Variants in UBE2D1 observed in about 807,000 individuals in gnomAD.
UBE2D1 encodes ubiquitin conjugating enzyme E2 D1, also known as ubiquitin-conjugating enzyme E2 D1.
UBE2D1 carries 9 observed loss-of-function variants against 24.6 expected under a neutral mutation model. That is an observed-to-expected ratio of 0.37 (90% CI 0.22 to 0.64). The LOEUF (loss-of-function observed/expected upper bound fraction) is 0.64. Ranked by LOEUF, UBE2D1 falls within the 30% of genes least tolerant of loss-of-function variation. The probability of loss-of-function intolerance (pLI) is 0.64; values close to 1 mark genes in which losing one functional copy is unlikely to be tolerated. For missense variants in UBE2D1, 87 were observed against 177.1 expected (o/e 0.49, Z 2.89); for synonymous variants, 57 against 57.6 (o/e 0.99, Z 0.04).
At chr10:58,358,293 T>C (rs1190087642) in intron 1 of UBE2D1, among the ~76,000 whole-genome samples, 3 of 152,138 alleles carry the variant, frequency 2.0e-5, no homozygotes, top group African/African-American at 7.2e-5. Context: ...CTAGTTAAAA[T>C]GAGGGCAAAG....
At chr10:58,338,232 G>T (rs370108011) in intron 1 of UBE2D1, among the ~76,000 whole-genome samples, 3 of 152,246 alleles carry the variant, frequency 2.0e-5, no homozygotes, top group South Asian at 4.1e-4. Flanking sequence ...GAATAAAGAT[G>T]ATTGGATTAA....
At chr10:58,362,080 T>C (rs1262519075) in intron 3 of UBE2D1, among the ~76,000 whole-genome samples, 1 of 152,220 alleles carries the variant, frequency 6.6e-6, no homozygotes, top group Non-Finnish European at 1.5e-5. Flanking sequence ...GATAATTGGC[T>C]ACTCTCAATA....
Position 58,370,688 on chromosome 10 carries a change from G to A in UBE2D1, c.*1923G>A, listed in dbSNP as rs1382964345. On this transcript the variant is annotated 3_prime_UTR_variant, in exon 7 of 7. Coordinates refer to ENST00000373910, the MANE Select transcript of UBE2D1 (RefSeq NM_003338.5). ...CAAAAAAAAAAAACAACTTTCATTT[G>A]TGTGGCATTTATTTTTGGAAGTGTC... 5 of 149,640 alleles carry A rather than the reference G, an allele frequency of 3.3e-5. No individual in the cohort carries two copies. In the South Asian group the frequency reaches 8.4e-4, roughly 25 times the overall value. 9.3% of individuals were successfully genotyped at this position (149,640 alleles called of 1,614,324 possible). A position where few individuals can be genotyped will look rare whatever the true frequency, so the allele number is the denominator to read the frequency against.
rs115622985 is a variant in UBE2D1 at position 58,368,554 on chromosome 10, C to G, written c.399-166C>G. ...ATCCATGAGTTAAAAAATTATTTTT[C>G]CTGTTTTATTTCTGCATGAACCTAA... On this transcript the variant is annotated intron_variant, in intron 6 of 6. Coordinates refer to ENST00000373910, the MANE Select transcript of UBE2D1 (RefSeq NM_003338.5). 2,756 of 390,568 alleles carry G rather than the reference C, an allele frequency of 7.1e-3. 64 individuals carry two copies. Among genetic ancestry groups the G allele is most frequent in the African/African-American group, 0.051 (2,472 of 48,210 alleles). 24.2% of individuals were successfully genotyped at this position (390,568 alleles called of 1,614,324 possible). A position where few individuals can be genotyped will look rare whatever the true frequency, so the allele number is the denominator to read the frequency against.
intron 4 of UBE2D1, 103 bp downstream of exon 4, chr10:58,363,789 G>T: frequency 1.3e-6 from 1 of 764,870 alleles, no homozygotes; most frequent in African/African-American, 1.8e-5. Flanking sequence ...GTCAAAGACT[G>T]TGGGGAGGTT....
intron 1 of UBE2D1, among the ~76,000 whole-genome samples, chr10:58,344,711 G>A (rs1839997443): frequency 6.6e-6 from 1 of 152,060 alleles, no homozygotes; most frequent in Non-Finnish European, 1.5e-5. Context: ...CAAATAAAAT[G>A]TATTTCTATT....
At chr10:58,339,188 C>T (rs1839935348) in intron 1 of UBE2D1, among the ~76,000 whole-genome samples, 1 of 152,116 alleles carries the variant, frequency 6.6e-6, no homozygotes, top group Non-Finnish European at 1.5e-5. Flanking sequence ...TTTCTGTGAC[C>T]TCTGCCTCTG....
rs780583891 is a variant in UBE2D1 at position 58,365,973 on chromosome 10, G to T, written c.304+1097G>T. Among the ~76,000 whole-genome samples the T allele has an allele frequency of 3.9e-5, 6 of 152,150 alleles. No individual in the cohort carries two copies. The South Asian group carries it at 6.2e-4, about 16-fold the overall frequency. ...TAGCTCTTTCAGTTCAATTATTTAT[G>T]AACGATAGTTTTTCTGACCTAAGAT... On this transcript the variant is annotated intron_variant, in intron 5 of 6. Coordinates refer to ENST00000373910, the MANE Select transcript of UBE2D1 (RefSeq NM_003338.5).
Position 58,363,692 on chromosome 10 carries a change from T to A in UBE2D1, c.198+6T>A. ...ATCCTTTTAAACCACCAAAGGTATT[T>A]TTATTTTTATGATTGATGTGACTCC... On this transcript the variant is annotated splice_donor_region_variant and intron_variant, in intron 4 of 6. Coordinates refer to ENST00000373910, the MANE Select transcript of UBE2D1 (RefSeq NM_003338.5). 2 of 1,594,866 alleles carry A rather than the reference T, an allele frequency of 1.3e-6. No homozygotes were observed. The highest frequency in any genetic ancestry group is 8.6e-7 in the Non-Finnish European group (1 of 1,166,600).
intron 1 of UBE2D1, among the ~76,000 whole-genome samples, chr10:58,341,773 A>C (rs1190975338): frequency 2.0e-5 from 3 of 152,156 alleles, no homozygotes; most frequent in Non-Finnish European, 4.4e-5. Flanking sequence ...TGATAAACCT[A>C]ATATTTAGCC....
In UBE2D1 at chr10:58,369,627, ATAAG is replaced by A. The variant is rs1298246260; in HGVS notation, c.*867_*870del. 2 of 152,550 alleles carry A rather than the reference ATAAG, an allele frequency of 1.3e-5. No homozygotes were observed. Among genetic ancestry groups the A allele is most frequent in the African/African-American group, 2.4e-5 (1 of 41,580 alleles). The allele number at this position is 152,550 out of a possible 1,614,324, so 9.4% of individuals were successfully genotyped here. A position where few individuals can be genotyped will look rare whatever the true frequency, so the allele number is the denominator to read the frequency against. Reference sequence around the variant, plus strand: ...CTTGATTACTTAAAAAAATAAAAATATAAGTAAGGATCAAAACTCTAAAATTTTG... The same window carrying A: ...CTTGATTACTTAAAAAAATAAAAATATAAGGATCAAAACTCTAAAATTTTG... On this transcript the variant is annotated 3_prime_UTR_variant, in exon 7 of 7. Transcript: ENST00000373910.
Position 58,370,014 on chromosome 10 carries a change from A to T in UBE2D1, c.*1249A>T, listed in dbSNP as rs1840297746. 6.6e-6 allele frequency: 1 copy of T among 151,890 alleles called. No homozygotes were observed. The highest frequency in any genetic ancestry group is 2.1e-4 in the South Asian group (1 of 4,830). The allele number at this position is 151,890 out of a possible 1,614,324, so 9.4% of individuals were successfully genotyped here. ...TAACATTTTAAAATCTAGAATTTCT[A>T]AAATGGAATTTAATGCCATCACAAT... On this transcript the variant is annotated 3_prime_UTR_variant, in exon 7 of 7. Transcript: ENST00000373910.
At chr10:58,338,127 G>A (rs1839922961) in intron 1 of UBE2D1, among the ~76,000 whole-genome samples, 1 of 152,118 alleles carries the variant, frequency 6.6e-6, no homozygotes, top group African/African-American at 2.4e-5. Flanking sequence ...GATTATAGGT[G>A]TGAGCCACCA....
At chr10:58,365,082 GATGAA>G (rs1399357908) in intron 5 of UBE2D1, among the ~76,000 whole-genome samples, 2 of 152,166 alleles carry the variant, frequency 1.3e-5, no homozygotes, top group Admixed American at 6.5e-5. Flanking sequence ...AAATCTAAAT[GATGAA>G]ATGAGAAAAA....
intron 1 of UBE2D1, among the ~76,000 whole-genome samples, chr10:58,345,902 A>T (rs570119848): frequency 6.6e-6 from 1 of 152,212 alleles, no homozygotes; most frequent in Non-Finnish European, 1.5e-5. Context: ...ACAGTAGACC[A>T]TAAAGCTTCA....
At chr10:58,358,005 AAAT>A (rs199738140) in intron 1 of UBE2D1, among the ~76,000 whole-genome samples, 19 of 152,042 alleles carry the variant, frequency 1.2e-4, no homozygotes, top group Admixed American at 1.2e-3. Context: ...AGTGCATCAA[AAAT>A]AATAATAATA....
intron 1 of UBE2D1, among the ~76,000 whole-genome samples, chr10:58,350,932 G>A (rs893472661): frequency 4.6e-5 from 7 of 152,130 alleles, no homozygotes; most frequent in Admixed American, 6.6e-5. Flanking sequence ...GCATGTTACC[G>A]TGCTGATACT....
intron 1 of UBE2D1, among the ~76,000 whole-genome samples, chr10:58,339,494 G>C (rs1428331096): frequency 6.6e-6 from 1 of 152,078 alleles, no homozygotes. Context: ...CCATACAATG[G>C]ATATGTATGG....
In UBE2D1 at chr10:58,367,948, T is replaced by G; in HGVS notation, c.330T>G (p.Leu110=). The change falls in exon 6 of 7, where the codon CTT becomes CTG. Residue 110 remains leucine (L), a synonymous_variant. Coordinates refer to ENST00000373910, the MANE Select transcript of UBE2D1 (RefSeq NM_003338.5). ...TTTTATTGTCCATATGTTCTCTACTTTGTGATCCTAATCCAGATGACCCCT... is the reference window on the plus strand; with the variant it reads ...TTTTATTGTCCATATGTTCTCTACTGTGTGATCCTAATCCAGATGACCCCT... ...SKVLLSICSL[L]CDPNPDDPLV... is the part of the protein sequence containing the mutation. The G allele has an allele frequency of 6.2e-7, 1 of 1,610,534 alleles. No homozygotes were observed. The highest frequency in any genetic ancestry group is 1.7e-5 in the Admixed American group (1 of 59,928).
Sources: allele counts gnomAD v4.1 joint callset (sites outside exome capture counted in the v4.1 genomes callset), GRCh38; gene constraint gnomAD v4.1.1; transcripts MANE v1.5; gene names NCBI Gene and HGNC (gene_info 2026-07-23, HGNC 2026-07-21).